The following CWH43 variants were observed in gnomAD, a reference collection of about 807,000 sequenced individuals.
CWH43 encodes PGAP2-interacting protein.
CWH43 carries 91 observed loss-of-function variants against 85.7 expected under a neutral mutation model. The ratio of observed to expected loss-of-function variants is 1.06; its 90% CI spans 0.90 to 1.26. The LOEUF is 1.26. CWH43 is among the 50% of genes most tolerant of loss of function. The probability of loss-of-function intolerance (pLI) is 0.00; values close to 1 mark genes in which losing one functional copy is unlikely to be tolerated. For missense variants in CWH43, 869 were observed against 839.2 expected, an observed-to-expected ratio of 1.04 and a Z score of -0.44; for synonymous variants, 323 against 293.6, an observed-to-expected ratio of 1.10 and a Z score of -1.02.
chr4:49,051,078 A>G (rs1331793271), intron 15 of CWH43, among the ~76,000 whole-genome samples: 1 of 152,192 alleles, frequency 6.6e-6, no homozygotes, highest in Non-Finnish European at 1.5e-5. Flanking sequence ...TCACAGCATC[A>G]TCATCATCAT....
chr4:49,007,123 A>G lies in CWH43; in HGVS notation c.1061-78A>G, dbSNP rs370474877. The G allele has an allele frequency of 8.1e-6, 12 of 1,482,430 alleles. No homozygotes were observed. The South Asian group carries it at 1.3e-4, about 16-fold the overall frequency. 91.8% of individuals were successfully genotyped at this position (1,482,430 alleles called of 1,614,324 possible). ...TTCCAGGGTATGTTCCTTTCAAGGA[A>G]CTCTCAGCTGCTGGAATACAACATT... On this transcript the variant is annotated intron_variant, in intron 7 of 15. Transcript: ENST00000226432.
intron 8 of CWH43, chr4:49,016,845 TCC>T: frequency 1.3e-6 from 1 of 780,820 alleles, no homozygotes; most frequent in Non-Finnish European, 2.4e-6. Context: ...TTCATCTGAC[TCC>T]CCAAAGACAT....
chr4:49,025,082 T>A (rs916183409), intron 9 of CWH43, among the ~76,000 whole-genome samples: 6 of 152,058 alleles, frequency 3.9e-5, no homozygotes, highest in African/African-American at 1.4e-4. Context: ...TCAGATTGGG[T>A]TAATTCAAAA....
rs562085064 is a variant in CWH43 at position 49,043,879 on chromosome 4, G to T, written c.1804-907G>T. Among the ~76,000 whole-genome samples the T allele has an allele frequency of 1.5e-4, 22 of 151,600 alleles. No homozygotes were observed. The South Asian group carries it at 4.6e-3, about 32-fold the overall frequency. On this transcript the variant is annotated intron_variant, in intron 13 of 15. Coordinates refer to ENST00000226432, the MANE Select transcript of CWH43 (RefSeq NM_025087.3). Reference sequence around the variant, plus strand: ...TATTATAATTTTTATGTATACAAAAGGTATATGTATGTGTGTATTATAAAC... The same window carrying T: ...TATTATAATTTTTATGTATACAAAATGTATATGTATGTGTGTATTATAAAC...
intron 8 of CWH43, among the ~76,000 whole-genome samples, chr4:49,013,958 G>C (rs1336923902): frequency 6.6e-6 from 1 of 152,134 alleles, no homozygotes; most frequent in African/African-American, 2.4e-5. Context: ...GTGTTAAGTA[G>C]TTGTTAAGTA....
rs1491438875 is a variant in CWH43, at chr4:49,039,350, C to CTGAT, written c.1803+1171_1803+1174dup. On this transcript the variant is annotated intron_variant, in intron 13 of 15. Coordinates refer to ENST00000226432, the MANE Select transcript of CWH43 (RefSeq NM_025087.3). ...ATATATATACTGATGTATATATATA[C>CTGAT]TGATATATATATACTGATGTATATA... is the stretch of plus-strand genomic sequence containing the variant. Among the ~76,000 whole-genome samples the CTGAT allele has an allele frequency of 5.3e-4, 4 of 7,486 alleles. No individual in the cohort carries two copies. In the South Asian group the frequency reaches 0.012, roughly 23 times the overall value. The allele number at this position is 7,486 out of a possible 152,430, so 4.9% of individuals were successfully genotyped here.
intron 13 of CWH43, among the ~76,000 whole-genome samples, chr4:49,044,416 T>C (rs771529898): frequency 1.3e-5 from 2 of 152,234 alleles, no homozygotes; most frequent in Non-Finnish European, 2.9e-5. Flanking sequence ...GCATAACTAG[T>C]GTGTGTAAAG....
intron 12 of CWH43, among the ~76,000 whole-genome samples, chr4:49,033,135 CT>C (rs1273533389): frequency 6.6e-6 from 1 of 152,188 alleles, no homozygotes; most frequent in Non-Finnish European, 1.5e-5. Flanking sequence ...GTTACAAGTG[CT>C]TGCAACCACA....
intron 13 of CWH43, among the ~76,000 whole-genome samples, chr4:49,039,499 T>G (rs903382238): frequency 6.8e-6 from 1 of 147,360 alleles, no homozygotes; most frequent in Non-Finnish European, 1.5e-5. Context: ...ATTGTTATGT[T>G]TAGTTATGCC....
At chr4:49,030,721 A>G in intron 10 of CWH43, 104 bp from the exon 11 acceptor site, 1 of 1,111,702 alleles carries the variant, frequency 9.0e-7, no homozygotes, top group Non-Finnish European at 1.2e-6. Context: ...TTTTGGGTTT[A>G]TCAGTAAAGA....
rs115627556 is a variant in CWH43 at position 49,033,105 on chromosome 4, T to C, written c.1658+390T>C. On this transcript the variant is annotated intron_variant, in intron 12 of 15. Coordinates refer to ENST00000226432, the MANE Select transcript of CWH43 (RefSeq NM_025087.3). ...CAGGAGCAAGCACACAGCCAGGGCA[T>C]AGGCAGTCCCAAACCCAGGGTTACA... Among the ~76,000 whole-genome samples, 1,136 of 152,282 alleles carry C rather than the reference T, an allele frequency of 7.5e-3. 14 individuals are homozygous for C. Among genetic ancestry groups the C allele is most frequent in the African/African-American group, 0.025 (1,055 of 41,550 alleles).
At chr4:49,040,265 AT>A (rs1784415546) in intron 13 of CWH43, among the ~76,000 whole-genome samples, 1 of 152,214 alleles carries the variant, frequency 6.6e-6, no homozygotes, top group South Asian at 2.1e-4. Context: ...ATACCCAGTA[AT>A]GGGGTGGCTG....
At chr4:49,038,244 T>C in intron 13 of CWH43, 64 bp downstream of exon 13, 1 of 1,410,646 alleles carries the variant, frequency 7.1e-7, no homozygotes, top group Non-Finnish European at 9.5e-7. Context: ...TTTCATGTTT[T>C]TAAAAAAACC....
chr4:49,014,765 C>T (rs556295964), intron 8 of CWH43, among the ~76,000 whole-genome samples: 14 of 152,138 alleles, frequency 9.2e-5, no homozygotes, highest in Middle Eastern at 3.4e-3. Context: ...ATATGGAAAG[C>T]GTGGAGATTT....
chr4:49,021,292 A>T (rs1256738326), intron 9 of CWH43, among the ~76,000 whole-genome samples: 1 of 152,120 alleles, frequency 6.6e-6, no homozygotes, highest in Non-Finnish European at 1.5e-5. Flanking sequence ...TTATCTTAGC[A>T]CTATTTGTTG....
intron 15 of CWH43, among the ~76,000 whole-genome samples, chr4:49,052,219 T>G (rs944342580): frequency 2.6e-5 from 4 of 152,134 alleles, no homozygotes; most frequent in Non-Finnish European, 5.9e-5. Flanking sequence ...TTGCCCTGTG[T>G]AAGTGTAATG....
rs114311748 is a variant in CWH43 at position 49,026,783 on chromosome 4, A to T, written c.1267-1846A>T. Among the ~76,000 whole-genome samples the T allele has an allele frequency of 2.5e-3, 375 of 152,262 alleles. 3 individuals carry two copies. Among genetic ancestry groups the T allele is most frequent in the African/African-American group, 8.8e-3 (367 of 41,544 alleles). ...TATACTACATTTTCTTTATCCAGTC[A>T]TTGGTCGATGGGCACTTAAGTTGGT... On this transcript the variant is annotated intron_variant, in intron 9 of 15. Coordinates refer to ENST00000226432, the MANE Select transcript of CWH43 (RefSeq NM_025087.3).
chr4:49,004,304 G>T (rs543860943), intron 7 of CWH43, among the ~76,000 whole-genome samples: 2 of 152,198 alleles, frequency 1.3e-5, no homozygotes, highest in Non-Finnish European at 2.9e-5. Flanking sequence ...TATACGATGC[G>T]TTAGGAAAAG....
intron 14 of CWH43, among the ~76,000 whole-genome samples, chr4:49,047,166 A>G (rs1784650261): frequency 6.6e-6 from 1 of 152,236 alleles, no homozygotes; most frequent in Admixed American, 6.5e-5. Context: ...TTCTGGGATG[A>G]TATAGAATCA....
Sources: allele counts gnomAD v4.1 joint callset (sites outside exome capture counted in the v4.1 genomes callset), GRCh38; gene constraint gnomAD v4.1.1; transcripts MANE v1.5; gene names NCBI Gene and HGNC (gene_info 2026-07-23, HGNC 2026-07-21).